The following SNX25 variants were observed in gnomAD, a reference collection of about 807,000 sequenced individuals.
SNX25 encodes the protein sorting nexin 25.
In SNX25, 62 loss-of-function variants were observed where a neutral mutation model predicts 113.7. That is an observed-to-expected ratio of 0.55 (90% CI 0.44 to 0.67). The LOEUF is 0.67. Among genes scored for constraint, SNX25 ranks in the 30% least tolerant of loss-of-function variants. The pLI is 0.00. For missense variants in SNX25, 1,014 were observed against 1,161.0 expected, an observed-to-expected ratio of 0.87 and a Z score of 1.84; for synonymous variants, 421 against 436.2, an observed-to-expected ratio of 0.97 and a Z score of 0.43.
intron 14 of SNX25, among the ~76,000 whole-genome samples, chr4:185,352,442 C>T (rs1372715327): frequency 6.6e-6 from 1 of 152,198 alleles, no homozygotes; most frequent in Non-Finnish European, 1.5e-5. Flanking sequence ...AGCACACCCA[C>T]ACCTGCTCCA....
At chr4:185,371,799 G>A (rs185542240), downstream of SNX25, among the ~76,000 whole-genome samples, 45 of 152,254 alleles carry the variant, frequency 3.0e-4, no homozygotes, top group East Asian at 6.4e-3. Context: ...CCTGGAGCCC[G>A]AGACGCTGGG....
intron 13 of SNX25, among the ~76,000 whole-genome samples, chr4:185,348,117 T>C (rs563986906): frequency 6.6e-6 from 1 of 152,362 alleles, no homozygotes; most frequent in Admixed American, 6.5e-5. Flanking sequence ...AAAGGTGTAC[T>C]GTCCTCAATA....
At chr4:185,361,877 A>T (rs2095365989) in intron 16 of SNX25, 47 bp from the exon 17 acceptor site, 1 of 1,590,564 alleles carries the variant, frequency 6.3e-7, no homozygotes, top group Non-Finnish European at 8.6e-7. Context: ...AGAATAGAGT[A>T]CACAATTTTT....
chr4:185,357,003 A>T (rs759992269), intron 15 of SNX25, among the ~76,000 whole-genome samples: 1 of 152,210 alleles, frequency 6.6e-6, no homozygotes, highest in Non-Finnish European at 1.5e-5. Flanking sequence ...ACACGGGGAA[A>T]GACCTTCAGA....
chr4:185,252,457 C>T (rs1486050974), intron 2 of SNX25, among the ~76,000 whole-genome samples: 1 of 152,098 alleles, frequency 6.6e-6, no homozygotes, highest in African/African-American at 2.4e-5. Flanking sequence ...CTTGTTAAGG[C>T]TGTAGTAATT....
chr4:185,368,937 ACATGCGTTAC>A (rs2095403697), downstream of SNX25, among the ~76,000 whole-genome samples: 1 of 150,118 alleles, frequency 6.7e-6, no homozygotes, highest in Non-Finnish European at 1.5e-5. Flanking sequence ...GGGACTATGG[ACATGCGTTAC>A]CATGATGGGC....
downstream of SNX25, among the ~76,000 whole-genome samples, chr4:185,375,144 T>C (rs187182732): frequency 8.3e-3 from 1,265 of 151,796 alleles, 11 homozygotes; most frequent in South Asian, 0.017. Flanking sequence ...GACAGAGTCT[T>C]GCTCTGTCAC....
chr4:185,213,558 T>C (rs1738280443), intron 1 of SNX25, among the ~76,000 whole-genome samples: 1 of 152,082 alleles, frequency 6.6e-6, no homozygotes, highest in Non-Finnish European at 1.5e-5. Context: ...GGGTTGACAG[T>C]TGTGAGTCCA....
chr4:185,250,043 G>A (rs1022002000), intron 2 of SNX25, among the ~76,000 whole-genome samples: 6 of 152,236 alleles, frequency 3.9e-5, no homozygotes, highest in African/African-American at 1.4e-4. Context: ...TGTGGATGCT[G>A]CTTTTTAGAC....
chr4:185,316,076 T>C (rs1354331237), intron 7 of SNX25, among the ~76,000 whole-genome samples: 2 of 152,126 alleles, frequency 1.3e-5, no homozygotes, highest in South Asian at 2.1e-4. Flanking sequence ...CCCACAAAAG[T>C]TTTTTATGTC....
In SNX25 at chr4:185,363,641, C is replaced by A; in HGVS notation, c.*176C>A. On this transcript the variant is annotated 3_prime_UTR_variant, in exon 19 of 19. Coordinates refer to ENST00000652585, the MANE Select transcript of SNX25 (RefSeq NM_001378034.2). The surrounding 1 kb of genome is among the most constrained non-coding windows in gnomAD (Gnocchi z 4.2). ...AGGACGGGACTTATGCTGTGGTAGG[C>A]AACAGAAAAAAACTTCTATTGATTT... The A allele has an allele frequency of 4.1e-6, 2 of 492,054 alleles. No individual in the cohort carries two copies. Among genetic ancestry groups the A allele is most frequent in the Non-Finnish European group, 3.5e-6 (1 of 282,740 alleles). The allele number at this position is 492,054 out of a possible 1,614,324, so 30.5% of individuals were successfully genotyped here. A position where few individuals can be genotyped will look rare whatever the true frequency, so the allele number is the denominator to read the frequency against.
chr4:185,311,641 A>G (rs1375258874), intron 7 of SNX25, among the ~76,000 whole-genome samples: 6 of 152,248 alleles, frequency 3.9e-5, no homozygotes, highest in Non-Finnish European at 7.3e-5. Context: ...CAACACTGGT[A>G]TAATGTAACT....
intron 1 of SNX25, among the ~76,000 whole-genome samples, chr4:185,215,184 G>C (rs12651016): frequency 0.4 from 60,006 of 151,480 alleles, 14,010 homozygotes; most frequent in East Asian, 0.6. Flanking sequence ...AGCCGAGATC[G>C]TGCCACTGCA....
chr4:185,357,143 T>C (rs947773244), intron 15 of SNX25, among the ~76,000 whole-genome samples: 3 of 152,236 alleles, frequency 2.0e-5, no homozygotes, highest in Non-Finnish European at 2.9e-5. Context: ...TTCAGGGTCC[T>C]GCCTCTTCAC....
chr4:185,349,826 A>G (rs1287841198), intron 13 of SNX25, among the ~76,000 whole-genome samples: 1 of 152,238 alleles, frequency 6.6e-6, no homozygotes, highest in Non-Finnish European at 1.5e-5. Flanking sequence ...TGATTTCCCT[A>G]TTAATATGCT....
intron 1 of SNX25, among the ~76,000 whole-genome samples, chr4:185,214,448 C>T (rs1423931255): frequency 6.6e-6 from 1 of 151,144 alleles, no homozygotes; most frequent in Non-Finnish European, 1.5e-5. Context: ...TGGTGCACAT[C>T]TGCAGTCCCA....
chr4:185,370,586 T>C, downstream of SNX25: 1 of 1,578,484 alleles, frequency 6.3e-7, no homozygotes, highest in South Asian at 1.1e-5. Flanking sequence ...AAGTTGCAGC[T>C]AAAAGCCTGG....
At position 185,325,154 on chromosome 4, in the gene SNX25, GAT is replaced by G. The variant is rs2095147733; in HGVS notation, c.1749+1356_1749+1357del. 7.9e-5 allele frequency among the ~76,000 whole-genome samples: 12 copies of G among 152,252 alleles called. No homozygotes were observed. The South Asian group carries it at 2.5e-3, about 32-fold the overall frequency. On this transcript the variant is annotated intron_variant, in intron 9 of 18. Transcript: ENST00000652585. ...TCTCTTACTAGGCCCAATTGATTGA[GAT>G]AGAAACAACATTCCTCACCCAATGA...
chr4:185,259,999 G>A (rs1165033272), intron 3 of SNX25, among the ~76,000 whole-genome samples: 19 of 152,068 alleles, frequency 1.2e-4, no homozygotes, highest in Non-Finnish European at 1.5e-5. Flanking sequence ...ACATGCCCAC[G>A]GTTTTCCAGC....
Sources: gnomAD v4.1 joint callset for allele counts (sites outside exome capture counted in the v4.1 genomes callset) on GRCh38, gnomAD v4.1.1 for gene constraint, Gnocchi (gnomAD v3.1) non-coding constraint, MANE v1.5 for transcripts, NCBI Gene and HGNC (gene_info 2026-07-23, HGNC 2026-07-21) for gene names.